ASIC2: variants seen among roughly 807,000 people sequenced by gnomAD.
ASIC2 encodes acid-sensing ion channel 2.
ASIC2 carries 25 observed loss-of-function variants against 57.3 expected under a neutral mutation model. That is an observed-to-expected ratio of 0.44 (90% confidence interval 0.32 to 0.61). ASIC2 has a LOEUF of 0.61. ASIC2 is among the 20% of genes least tolerant of loss of function. ASIC2 has a pLI of 0.06. For missense variants in ASIC2, 641 were observed against 738.1 expected (o/e 0.87, Z 1.52); for synonymous variants, 319 against 307.5 (o/e 1.04, Z -0.39).
At chr17:33,958,078 A>G (rs981419463) in intron 1 of ASIC2, among the ~76,000 whole-genome samples, 2 of 152,222 alleles carry the variant, frequency 1.3e-5, no homozygotes, top group Non-Finnish European at 2.9e-5. Flanking sequence ...CTTTGACTCC[A>G]TGTCTCACAT....
chr17:33,919,567 T>C (rs560351839), intron 1 of ASIC2, among the ~76,000 whole-genome samples: 11 of 152,088 alleles, frequency 7.2e-5, no homozygotes, highest in Non-Finnish European at 1.2e-4. Flanking sequence ...ATAAAAAAAA[T>C]CCTAGAAGAA....
chr17:33,221,391 A>G (rs1907687247), intron 1 of ASIC2, among the ~76,000 whole-genome samples: 1 of 152,256 alleles, frequency 6.6e-6, no homozygotes, highest in Admixed American at 6.5e-5. Context: ...CAAAAGAGGT[A>G]GAATCTTCAA....
intron 1 of ASIC2, among the ~76,000 whole-genome samples, chr17:34,091,386 C>A (rs1265469994): frequency 6.6e-6 from 1 of 152,238 alleles, no homozygotes; most frequent in Non-Finnish European, 1.5e-5. Context: ...ATGTCCCTGG[C>A]AAGTGATGAT....
chr17:33,051,574 G>T (rs1056456913), intron 3 of ASIC2, among the ~76,000 whole-genome samples: 23 of 152,314 alleles, frequency 1.5e-4, no homozygotes, highest in Admixed American at 1.3e-3. Context: ...CTGAGTTGAG[G>T]TTGGAGTCAG....
intron 1 of ASIC2, among the ~76,000 whole-genome samples, chr17:33,659,716 C>T (rs1307751164): frequency 6.6e-6 from 1 of 151,626 alleles, no homozygotes; most frequent in Non-Finnish European, 1.5e-5. Context: ...TAAAAAAATA[C>T]AAAAAATTAG....
intron 1 of ASIC2, among the ~76,000 whole-genome samples, chr17:34,096,266 T>A (rs1328373448): frequency 2.0e-5 from 3 of 152,108 alleles, no homozygotes; most frequent in Admixed American, 2.0e-4. Context: ...GAGTTAGCCC[T>A]GGAAAGGAGG....
chr17:33,961,976 A>T (rs1904938165), intron 1 of ASIC2, among the ~76,000 whole-genome samples: 1 of 152,170 alleles, frequency 6.6e-6, no homozygotes, highest in African/African-American at 2.4e-5. Context: ...CACATCACCA[A>T]GGAGGAATTC....
At chr17:33,764,640 A>T (rs1910882479) in intron 1 of ASIC2, among the ~76,000 whole-genome samples, 1 of 152,032 alleles carries the variant, frequency 6.6e-6, no homozygotes, top group Non-Finnish European at 1.5e-5. Flanking sequence ...CTTCTTATAA[A>T]GCCACCAATT....
At chr17:33,845,831 C>T (rs1913578548) in intron 1 of ASIC2, among the ~76,000 whole-genome samples, 1 of 152,040 alleles carries the variant, frequency 6.6e-6, no homozygotes, top group Non-Finnish European at 1.5e-5. Context: ...TTTATAAATA[C>T]CTGAAAAAAA....
chr17:33,710,296 A>G (rs570924578), intron 1 of ASIC2, among the ~76,000 whole-genome samples: 1 of 152,348 alleles, frequency 6.6e-6, no homozygotes, highest in Non-Finnish European at 1.5e-5. Context: ...TTTATTCAAC[A>G]AATAGTTACT....
At chr17:33,363,590 C>T (rs1311138903) in intron 1 of ASIC2, among the ~76,000 whole-genome samples, 1 of 152,236 alleles carries the variant, frequency 6.6e-6, no homozygotes, top group African/African-American at 2.4e-5. Flanking sequence ...GCTGCATGGC[C>T]TCTGCCACTG....
chr17:33,831,207 A>G (rs965684103), intron 1 of ASIC2, among the ~76,000 whole-genome samples: 1 of 150,012 alleles, frequency 6.7e-6, no homozygotes, highest in African/African-American at 2.5e-5. Flanking sequence ...TTATATTTGC[A>G]TATAAATTAT....
At chr17:34,115,859 A>G (rs568565005) in intron 1 of ASIC2, among the ~76,000 whole-genome samples, 2 of 152,246 alleles carry the variant, frequency 1.3e-5, no homozygotes, top group Non-Finnish European at 2.9e-5. Context: ...AAGAGTACAT[A>G]TAACTACATA....
At chr17:33,093,480 C>T (rs114230176) in intron 2 of ASIC2, among the ~76,000 whole-genome samples, 1 of 152,040 alleles carries the variant, frequency 6.6e-6, no homozygotes, top group Admixed American at 6.6e-5. Flanking sequence ...CTACTACATA[C>T]ATACTATGTA....
At chr17:33,178,655 A>G (rs1905857334) in intron 1 of ASIC2, among the ~76,000 whole-genome samples, 2 of 152,136 alleles carry the variant, frequency 1.3e-5, no homozygotes, top group African/African-American at 4.8e-5. Context: ...GTGCTATCTG[A>G]GTTCTAGGTG....
intron 1 of ASIC2, among the ~76,000 whole-genome samples, chr17:33,879,571 T>C (rs1158070634): frequency 6.6e-6 from 1 of 152,200 alleles, no homozygotes; most frequent in Non-Finnish European, 1.5e-5. Flanking sequence ...TAAATATATA[T>C]GCACCCAATA....
chr17:33,120,124 G>A (rs547911603), intron 1 of ASIC2, among the ~76,000 whole-genome samples: 2 of 152,304 alleles, frequency 1.3e-5, no homozygotes, highest in South Asian at 4.1e-4. Context: ...TTCTTATGTA[G>A]GGGTTGCTGG....
At chr17:34,150,678 T>C (rs1904480210) in intron 1 of ASIC2, among the ~76,000 whole-genome samples, 1 of 152,224 alleles carries the variant, frequency 6.6e-6, no homozygotes, top group Non-Finnish European at 1.5e-5. Flanking sequence ...AAATGCTGTT[T>C]AGAAGACAGA....
At chr17:33,369,710 C>T (rs1908968810) in intron 1 of ASIC2, among the ~76,000 whole-genome samples, 1 of 152,174 alleles carries the variant, frequency 6.6e-6, no homozygotes, top group Non-Finnish European at 1.5e-5. Context: ...GAGCACATGG[C>T]TAGTAAGAGG....
Sources: gnomAD v4.1 joint callset for allele counts (sites outside exome capture counted in the v4.1 genomes callset) on GRCh38, gnomAD v4.1.1 for gene constraint, MANE v1.5 for transcripts, NCBI Gene and HGNC (gene_info 2026-07-23, HGNC 2026-07-21) for gene names.